TMEM120B: variants seen among roughly 807,000 people sequenced by gnomAD.
The protein encoded by TMEM120B is transmembrane protein 120B.
Under a neutral mutation model 55.5 loss-of-function variants are expected in TMEM120B, and 31 were observed. The ratio of observed to expected loss-of-function variants is 0.56; its 90% CI spans 0.42 to 0.75. TMEM120B has a LOEUF of 0.75. Among genes scored for constraint, TMEM120B ranks in the 30% least tolerant of loss-of-function variants. The probability of loss-of-function intolerance (pLI) is 0.00; values close to 1 mark genes in which losing one functional copy is unlikely to be tolerated. For synonymous variants in TMEM120B, 203 were observed against 176.3 expected, an observed-to-expected ratio of 1.15 and a Z score of -1.20; for missense variants, 399 against 425.5, an observed-to-expected ratio of 0.94 and a Z score of 0.55.
rs1874430397 is a variant in TMEM120B at position 121,780,949 on chromosome 12, T to C, written c.*5227T>C. On this transcript the variant is annotated 3_prime_UTR_variant, in exon 12 of 12. Coordinates refer to ENST00000449592, the MANE Select transcript of TMEM120B (RefSeq NM_001080825.2). ...TCCTTGTCCTTCCTCAGGTCTGTCT[T>C]GCAGCCGATGAGCACCATGGGGATC... is the stretch of plus-strand genomic sequence containing the variant. The C allele has an allele frequency of 1.9e-6, 3 of 1,613,962 alleles. 1 individual carries two copies. Among genetic ancestry groups the C allele is most frequent in the South Asian group, 2.2e-5 (2 of 91,090 alleles).
In TMEM120B at chr12:121,779,258, C is replaced by G. The variant is rs1235224507; in HGVS notation, c.*3536C>G. 1 of 560,426 alleles carries G rather than the reference C, an allele frequency of 1.8e-6. No homozygotes were observed. The highest frequency in any genetic ancestry group is 2.2e-5 in the South Asian group (1 of 45,870). The allele number at this position is 560,426 out of a possible 1,614,324, so 34.7% of individuals were successfully genotyped here. A position where few individuals can be genotyped will look rare whatever the true frequency, so the allele number is the denominator to read the frequency against. ...CTGTGATGAGGGCACTTGCGAGTCC[C>G]GACAACAGACACTGGCTCCTGCACC... is the stretch of plus-strand genomic sequence containing the variant. On this transcript the variant is annotated 3_prime_UTR_variant, in exon 12 of 12. Coordinates refer to ENST00000449592, the MANE Select transcript of TMEM120B (RefSeq NM_001080825.2).
At chr12:121,727,861 G>A (rs1364737233) in intron 1 of TMEM120B, among the ~76,000 whole-genome samples, 6 of 114,612 alleles carry the variant, frequency 5.2e-5, no homozygotes, top group Non-Finnish European at 1.0e-4. Context: ...GCGACAGAGC[G>A]ACACTCCATC....
Position 121,781,250 on chromosome 12 carries a change from G to A in TMEM120B, c.*5528G>A, listed in dbSNP as rs1338477277. On this transcript the variant is annotated 3_prime_UTR_variant, in exon 12 of 12. Coordinates refer to ENST00000449592, the MANE Select transcript of TMEM120B (RefSeq NM_001080825.2). ...GTCCCCTCCCTGTCTGGACTCTGACGGGTGAAGGGGAAGGGGCCAGGCAAG... is the reference window on the plus strand; with the variant it reads ...GTCCCCTCCCTGTCTGGACTCTGACAGGTGAAGGGGAAGGGGCCAGGCAAG... 1.2e-5 allele frequency: 18 copies of A among 1,496,106 alleles called. No individual in the cohort carries two copies. The highest frequency in any genetic ancestry group is 2.3e-5 in the East Asian group (1 of 44,144). The allele number at this position is 1,496,106 out of a possible 1,614,324, so 92.7% of individuals were successfully genotyped here. A position where few individuals can be genotyped will look rare whatever the true frequency, so the allele number is the denominator to read the frequency against.
rs150700237 is a variant in TMEM120B at position 121,736,602 on chromosome 12, C to T, written c.70-7027C>T. ...TCTCCCTCTGTTGACCAGGCTGGAG[C>T]GCAGTGGCACACTCTCAGCACACTG... On this transcript the variant is annotated intron_variant, in intron 1 of 11. Coordinates refer to ENST00000449592, the MANE Select transcript of TMEM120B (RefSeq NM_001080825.2). Among the ~76,000 whole-genome samples the T allele has an allele frequency of 7.4e-3, 1,111 of 150,322 alleles. 18 individuals carry two copies. Among genetic ancestry groups the T allele is most frequent in the African/African-American group, 0.026 (1,057 of 40,858 alleles).
intron 3 of TMEM120B, among the ~76,000 whole-genome samples, chr12:121,749,259 G>A (rs1258062404): frequency 6.6e-6 from 1 of 152,224 alleles, no homozygotes; most frequent in East Asian, 1.9e-4. Flanking sequence ...ATTTTCTGCA[G>A]AATGAGCAGC....
At chr12:121,771,718 G>A (rs1247503274) in intron 8 of TMEM120B, among the ~76,000 whole-genome samples, 169 bp downstream of exon 8, 1 of 152,084 alleles carries the variant, frequency 6.6e-6, no homozygotes, top group Non-Finnish European at 1.5e-5. Context: ...CCCCAGGTCA[G>A]CTCCACCCAC....
intron 1 of TMEM120B, among the ~76,000 whole-genome samples, chr12:121,716,620 T>C (rs1894708566): frequency 6.9e-6 from 1 of 145,012 alleles, no homozygotes; most frequent in East Asian, 2.0e-4. Flanking sequence ...TAGAGTACAG[T>C]GGCACAATCT....
Position 121,780,967 on chromosome 12 carries a change from T to C in TMEM120B, c.*5245T>C. 6.2e-7 allele frequency: 1 copy of C among 1,614,008 alleles called. No individual in the cohort carries two copies. Among genetic ancestry groups the C allele is most frequent in the Non-Finnish European group, 8.5e-7 (1 of 1,179,948 alleles). ...TCTGTCTTGCAGCCGATGAGCACCA[T>C]GGGGATCCCGCGGCAGAAATGCGTG... On this transcript the variant is annotated 3_prime_UTR_variant, in exon 12 of 12. Transcript: ENST00000449592.
intron 9 of TMEM120B, among the ~76,000 whole-genome samples, chr12:121,773,791 G>A (rs1404499408): frequency 2.9e-5 from 3 of 103,972 alleles, no homozygotes; most frequent in Non-Finnish European, 5.7e-5. Context: ...TTAGCCATTT[G>A]TGTGTAACAT....
At chr12:121,749,715 G>C (rs1374123874) in intron 3 of TMEM120B, among the ~76,000 whole-genome samples, 2 of 152,096 alleles carry the variant, frequency 1.3e-5, no homozygotes, top group Non-Finnish European at 2.9e-5. Flanking sequence ...AGACCAGCCT[G>C]GCCAACATGG....
In TMEM120B at chr12:121,752,111, C is replaced by T. The variant is rs1218737111; in HGVS notation, c.366-17C>T. 9 of 1,605,130 alleles carry T rather than the reference C, an allele frequency of 5.6e-6. No individual in the cohort carries two copies. The highest frequency in any genetic ancestry group is 4.5e-5 in the East Asian group (2 of 44,842). On this transcript the variant is annotated splice_polypyrimidine_tract_variant and intron_variant, in intron 4 of 11. Coordinates refer to ENST00000449592, the MANE Select transcript of TMEM120B (RefSeq NM_001080825.2). ...TCATGGTAAGGGGCACACCCCTGGGCGTGTCTGTCGTGGCAGGTTCGCCTA... is the reference window on the plus strand; with the variant it reads ...TCATGGTAAGGGGCACACCCCTGGGTGTGTCTGTCGTGGCAGGTTCGCCTA...
chr12:121,750,450 CCCACCCA>C lies in TMEM120B; in HGVS notation c.365+19_365+25del. On this transcript the variant is annotated intron_variant, in intron 4 of 11. Transcript: ENST00000449592. The stretch of plus-strand genomic sequence containing the variant: ...CAGCAACCAGGCCAAGTAAGTGTCC[CCCACCCA>C]CCACCCAGACCCACACCTCACACCG... The C allele has an allele frequency of 1.2e-6, 2 of 1,610,306 alleles. No individual in the cohort carries two copies. Among genetic ancestry groups the C allele is most frequent in the Non-Finnish European group, 1.7e-6 (2 of 1,178,148 alleles).
At chr12:121,727,352 A>G (rs957208077) in intron 1 of TMEM120B, among the ~76,000 whole-genome samples, 2 of 151,664 alleles carry the variant, frequency 1.3e-5, no homozygotes, top group Admixed American at 1.3e-4. Flanking sequence ...CCTGGGCAGC[A>G]TAATGAGACC....
rs150928548 is a variant in TMEM120B, at chr12:121,732,095, C to T, written c.70-11534C>T. On this transcript the variant is annotated intron_variant, in intron 1 of 11. Coordinates refer to ENST00000449592, the MANE Select transcript of TMEM120B (RefSeq NM_001080825.2). Reference sequence around the variant, plus strand: ...GAGGTTGCAGTGAGCAGAGATCGGGCCATTGCACTCCAGCCTGGGCAGCAG... The same window carrying T: ...GAGGTTGCAGTGAGCAGAGATCGGGTCATTGCACTCCAGCCTGGGCAGCAG... Among the ~76,000 whole-genome samples the T allele has an allele frequency of 3.2e-3, 490 of 152,240 alleles. 1 individual carries two copies. Among genetic ancestry groups the T allele is most frequent in the African/African-American group, 0.011 (476 of 41,540 alleles).
chr12:121,760,116 C>A (rs888616366), intron 5 of TMEM120B, among the ~76,000 whole-genome samples: 2 of 127,344 alleles, frequency 1.6e-5, no homozygotes, highest in South Asian at 5.2e-4. Context: ...GGCCCCAGAG[C>A]GAAACTACGT....
rs1051191052 is a variant in TMEM120B, at chr12:121,776,686, T to A, written c.*964T>A. 1 of 152,304 alleles carries A rather than the reference T, an allele frequency of 6.6e-6. No homozygotes were observed. Among genetic ancestry groups the A allele is most frequent in the African/African-American group, 2.4e-5 (1 of 41,478 alleles). 9.4% of individuals were successfully genotyped at this position (152,304 alleles called of 1,614,324 possible). A position where few individuals can be genotyped will look rare whatever the true frequency, so the allele number is the denominator to read the frequency against. On this transcript the variant is annotated 3_prime_UTR_variant, in exon 12 of 12. Transcript: ENST00000449592. The stretch of plus-strand genomic sequence containing the variant: ...AGTGCTCTGCCCCACCATTCATATA[T>A]GGGCCTCAGCTCCCCCTAACTGTGG...
intron 1 of TMEM120B, among the ~76,000 whole-genome samples, chr12:121,719,650 G>T (rs556738722): frequency 2.6e-5 from 4 of 152,088 alleles, no homozygotes; most frequent in Non-Finnish European, 4.4e-5. Flanking sequence ...ATTGCTAACG[G>T]GGGTAGTTTA....
At chr12:121,715,903 G>A (rs1354366188) in intron 1 of TMEM120B, among the ~76,000 whole-genome samples, 1 of 151,552 alleles carries the variant, frequency 6.6e-6, no homozygotes, top group Non-Finnish European at 1.5e-5. Flanking sequence ...CATGTTAGAT[G>A]TGAGAGCTCT....
intron 2 of TMEM120B, among the ~76,000 whole-genome samples, chr12:121,744,552 G>A (rs866693364): frequency 1.3e-5 from 2 of 152,204 alleles, no homozygotes; most frequent in Non-Finnish European, 2.9e-5. Context: ...CATCCCTGGT[G>A]GAGATGTGCT....
Sources: gnomAD v4.1 joint callset for allele counts (sites outside exome capture counted in the v4.1 genomes callset) on GRCh38, gnomAD v4.1.1 for gene constraint, MANE v1.5 for transcripts, NCBI Gene and HGNC (gene_info 2026-07-23, HGNC 2026-07-21) for gene names.